Variants in C21orf91 observed in about 807,000 individuals in gnomAD.
The protein encoded by C21orf91 is protein EURL homolog.
In C21orf91, 26 loss-of-function variants were observed where a neutral mutation model predicts 32.9. The ratio of observed to expected loss-of-function variants is 0.79; its 90% CI spans 0.58 to 1.10. The LOEUF (loss-of-function observed/expected upper bound fraction) is 1.10, where lower values mean the gene tolerates loss of function less well. C21orf91 is among the 50% of genes least tolerant of loss of function. The pLI is 0.00. For synonymous variants in C21orf91, 126 were observed against 120.4 expected, an observed-to-expected ratio of 1.05 and a Z score of -0.31; for missense variants, 310 against 341.3, an observed-to-expected ratio of 0.91 and a Z score of 0.72.
chr21:17,799,349 G>A (rs777686018), intron 2 of C21orf91, among the ~76,000 whole-genome samples: 1 of 151,788 alleles, frequency 6.6e-6, no homozygotes, highest in Admixed American at 6.6e-5. Flanking sequence ...TTGGCTCCTC[G>A]AACTCACCTT....
chr21:17,810,026 A>C (rs1316661422), intron 2 of C21orf91, among the ~76,000 whole-genome samples: 1 of 152,212 alleles, frequency 6.6e-6, no homozygotes, highest in Non-Finnish European at 1.5e-5. Flanking sequence ...TCAGAGTTTA[A>C]TGGGTTTATT....
Position 17,818,680 on chromosome 21 carries a change from G to C in C21orf91, c.-7-355C>G, listed in dbSNP as rs79134549. ...AGGGCTTAGCAGCGAGGCCTTTTCA[G>C]CTACCAGGTTCTGTCAACCTAGTTA... On this transcript the variant is annotated intron_variant, in intron 1 of 4. Coordinates refer to ENST00000284881, the MANE Select transcript of C21orf91 (RefSeq NM_001100420.2). 3.3e-5 allele frequency among the ~76,000 whole-genome samples: 5 copies of C among 152,256 alleles called. No homozygotes were observed. In the East Asian group the frequency reaches 9.6e-4, roughly 29 times the overall value.
chr21:17,818,151 T>G, intron 2 of C21orf91, 41 bp downstream of exon 2: 1 of 1,523,974 alleles, frequency 6.6e-7, no homozygotes, highest in African/African-American at 1.4e-5. Flanking sequence ...GCAGCTGTGT[T>G]AAATTCATTC....
At position 17,790,593 on chromosome 21, in the gene C21orf91, G is replaced by A. The variant is rs1178446872; in HGVS notation, c.*2822C>T. 1 of 152,068 alleles carries A rather than the reference G, an allele frequency of 6.6e-6. No individual in the cohort carries two copies. Among genetic ancestry groups the A allele is most frequent in the African/African-American group, 2.4e-5 (1 of 41,436 alleles). The allele number at this position is 152,068 out of a possible 1,614,324, so 9.4% of individuals were successfully genotyped here. A position where few individuals can be genotyped will look rare whatever the true frequency, so the allele number is the denominator to read the frequency against. On this transcript the variant is annotated 3_prime_UTR_variant, in exon 5 of 5. Coordinates refer to ENST00000284881, the MANE Select transcript of C21orf91 (RefSeq NM_001100420.2). ...ATGTGTTTTGAAAAACTAAGAATGT[G>A]TCTTTGCTCCACCATTGTGCATAGT...
chr21:17,813,246 T>A (rs576307523), intron 2 of C21orf91, among the ~76,000 whole-genome samples: 1 of 152,312 alleles, frequency 6.6e-6, no homozygotes, highest in South Asian at 2.1e-4. Flanking sequence ...AAGCAGGACA[T>A]AGAGGAACAG....
At chr21:17,795,377 A>G in intron 3 of C21orf91, 107 bp from the exon 4 acceptor site, 1 of 758,570 alleles carries the variant, frequency 1.3e-6, no homozygotes, top group Non-Finnish European at 2.3e-6. Flanking sequence ...TTAACTGCCA[A>G]CACAACATTC....
Position 17,796,780 on chromosome 21 carries a change from T to A in C21orf91, c.466A>T (p.Asn156Tyr), listed in dbSNP as rs999874077. The change falls in exon 3 of 5, where the codon AAC becomes TAC. Residue 156 changes from asparagine to tyrosine, a missense_variant. By Grantham distance (143) the Asn-to-Tyr change is moderately radical. Coordinates refer to ENST00000284881, the MANE Select transcript of C21orf91 (RefSeq NM_001100420.2). ...TGCTCCAAAATTCTTTGTGTACAGTTAGAGATGCCACCTGCACTTCCATCT... is the reference window on the plus strand; with the variant it reads ...TGCTCCAAAATTCTTTGTGTACAGTAAGAGATGCCACCTGCACTTCCATCT... ...WIDGSAGGIS[N>Y]CTQRILEQRE... 1 of 1,613,976 alleles carries A rather than the reference T, an allele frequency of 6.2e-7. No individual in the cohort carries two copies. Among genetic ancestry groups the A allele is most frequent in the African/African-American group, 1.3e-5 (1 of 75,056 alleles).
rs1440960048 is a variant in C21orf91, at chr21:17,792,783, T to C, written c.*632A>G. On this transcript the variant is annotated 3_prime_UTR_variant, in exon 5 of 5. Transcript: ENST00000284881. ...TTAATTCTTCTTTTACAAGAGGTAT[T>C]AGAAATTAAAACAACTCAGATTTCT... 3 of 152,620 alleles carry C rather than the reference T, an allele frequency of 2.0e-5. No individual in the cohort carries two copies. Among genetic ancestry groups the C allele is most frequent in the African/African-American group, 4.8e-5 (2 of 41,448 alleles). 9.5% of individuals were successfully genotyped at this position (152,620 alleles called of 1,614,324 possible).
rs2062678265 is a variant in C21orf91, at chr21:17,818,243, C to T, written c.76G>A (p.Asp26Asn). 6.2e-7 allele frequency: 1 copy of T among 1,610,456 alleles called. No individual in the cohort carries two copies. Among genetic ancestry groups the T allele is most frequent in the Non-Finnish European group, 8.5e-7 (1 of 1,176,802 alleles). ...NICSVCKLGT[D>N]KETLSFCHIC... ...TGGCAGAAGGAGAGTGTTTCTTTGT[C>T]TGTTCCCAGTTTACAAACACTGCAA... is the stretch of plus-strand genomic sequence containing the variant. Residue 26 changes from aspartate (D) to asparagine (N), a missense_variant, in exon 2 of 5, where the codon GAC becomes AAC. Asp to Asn is a conservative substitution (Grantham distance 23, BLOSUM62 1). Transcript: ENST00000284881.
intron 2 of C21orf91, among the ~76,000 whole-genome samples, chr21:17,814,774 C>T (rs1461356437): frequency 2.0e-5 from 3 of 152,260 alleles, no homozygotes; most frequent in East Asian, 3.9e-4. Flanking sequence ...CTCCATGATC[C>T]GATCACCTAA....
rs776282923 is a variant in C21orf91 at position 17,793,479 on chromosome 21, G to C, written c.830C>G (p.Ser277Cys). 3 of 1,613,460 alleles carry C rather than the reference G, an allele frequency of 1.9e-6. No individual in the cohort carries two copies. The highest frequency in any genetic ancestry group is 1.3e-5 in the African/African-American group (1 of 74,902). Residue 277 changes from serine (S) to cysteine (C), a missense_variant, in exon 5 of 5, where the codon TCT (serine) becomes TGT (cysteine). Transcript: ENST00000284881. ...VAIEQLLKNC[S>C]KLPCLQVGRT... ...CCCTACTTGCAGACATGGTAACTTA[G>C]AACAGTTCTTCAGAAGCTGTTCGAT... is the stretch of plus-strand genomic sequence containing the variant.
At position 17,789,096 on chromosome 21, in the gene C21orf91, A is replaced by G. The variant is rs906543080; in HGVS notation, c.*4319T>C. The G allele has an allele frequency of 2.6e-5, 4 of 152,212 alleles. No homozygotes were observed. Among genetic ancestry groups the G allele is most frequent in the Admixed American group, 6.5e-5 (1 of 15,280 alleles). The allele number at this position is 152,212 out of a possible 1,614,324, so 9.4% of individuals were successfully genotyped here. A position where few individuals can be genotyped will look rare whatever the true frequency, so the allele number is the denominator to read the frequency against. Reference sequence around the variant, plus strand: ...GTTTTCAAAGAAAATATAACAGCCAAATAATTGCCTACTTTTTTGAAACAA... The same window carrying G: ...GTTTTCAAAGAAAATATAACAGCCAGATAATTGCCTACTTTTTTGAAACAA... On this transcript the variant is annotated 3_prime_UTR_variant, in exon 5 of 5. Coordinates refer to ENST00000284881, the MANE Select transcript of C21orf91 (RefSeq NM_001100420.2).
intron 2 of C21orf91, among the ~76,000 whole-genome samples, chr21:17,807,565 A>C (rs1191705872): frequency 6.6e-6 from 1 of 152,228 alleles, no homozygotes; most frequent in Non-Finnish European, 1.5e-5. Flanking sequence ...GCTCAGAAGA[A>C]GATAGGATGA....
intron 2 of C21orf91, among the ~76,000 whole-genome samples, chr21:17,805,981 T>TA (rs5842662): frequency 0.82 from 124,272 of 152,166 alleles, 51,496 homozygotes; most frequent in African/African-American, 0.95. Context: ...CAAAGTTTCC[T>TA]ATGATAGACA....
At chr21:17,817,984 G>C (rs913476193) in intron 2 of C21orf91, 1 of 383,678 alleles carries the variant, frequency 2.6e-6, no homozygotes, top group African/African-American at 2.1e-5. Context: ...TGTTGCAGGG[G>C]TCTTTAAAAA....
chr21:17,804,623 TAAAGA>T (rs1338818704), intron 2 of C21orf91, among the ~76,000 whole-genome samples: 1 of 152,218 alleles, frequency 6.6e-6, no homozygotes, highest in African/African-American at 2.4e-5. Context: ...ATTACTGCCC[TAAAGA>T]AAGATTTATC....
intron 2 of C21orf91, among the ~76,000 whole-genome samples, chr21:17,807,893 G>T (rs1036955880): frequency 2.6e-5 from 4 of 152,206 alleles, no homozygotes; most frequent in African/African-American, 9.7e-5. Flanking sequence ...TGTGAACAAA[G>T]AGATGATCTG....
chr21:17,816,585 C>A (rs1026516786), intron 2 of C21orf91, among the ~76,000 whole-genome samples: 2 of 152,228 alleles, frequency 1.3e-5, no homozygotes, highest in Admixed American at 1.3e-4. Context: ...CCAGGACCAA[C>A]AGTTATGAGC....
At position 17,789,287 on chromosome 21, in the gene C21orf91, A is replaced by ACACACACAC. The variant is rs2062453926; in HGVS notation, c.*4127_*4128insGTGTGTGTG. 1 of 150,142 alleles carries ACACACACAC rather than the reference A, an allele frequency of 6.7e-6. No individual in the cohort carries two copies. The highest frequency in any genetic ancestry group is 2.5e-5 in the African/African-American group (1 of 40,774). The allele number at this position is 150,142 out of a possible 1,614,324, so 9.3% of individuals were successfully genotyped here. On this transcript the variant is annotated 3_prime_UTR_variant, in exon 5 of 5. Transcript: ENST00000284881. ...CACACACACACACACACACACACAC[A>ACACACACAC]AAATGGAACTGAACAAAAGTCACTA...
Sources: allele counts gnomAD v4.1 joint callset (sites outside exome capture counted in the v4.1 genomes callset), GRCh38; gene constraint gnomAD v4.1.1; transcripts MANE v1.5; gene names NCBI Gene and HGNC (gene_info 2026-07-23, HGNC 2026-07-21).